FHIT: variants seen among roughly 807,000 people sequenced by gnomAD.
The protein encoded by FHIT is bis(5'-adenosyl)-triphosphatase.
A neutral mutation model predicts 17.9 loss-of-function variants in FHIT; 19 were observed. That is an observed-to-expected ratio of 1.06 (90% CI 0.74 to 1.56). FHIT has a LOEUF of 1.56. Ranked by LOEUF, FHIT falls within the 40% of genes most tolerant of loss-of-function variation. The pLI is 0.00. For missense variants in FHIT, 248 were observed against 189.2 expected (o/e 1.31, Z -1.82); for synonymous variants, 81 against 69.7 (o/e 1.16, Z -0.81).
chr3:60,237,005 C>G (rs1704832441), intron 5 of FHIT, among the ~76,000 whole-genome samples: 1 of 152,110 alleles, frequency 6.6e-6, no homozygotes, highest in East Asian at 1.9e-4. Flanking sequence ...CATACCTCAT[C>G]CACTTTAAGT....
chr3:61,225,090 A>G (rs2039935589), intron 1 of FHIT, among the ~76,000 whole-genome samples: 2 of 152,096 alleles, frequency 1.3e-5, no homozygotes, highest in Admixed American at 1.3e-4. Context: ...CTTCCTCCAG[A>G]GCCTGTGCTC....
chr3:59,834,424 G>C (rs1033811947), intron 8 of FHIT, among the ~76,000 whole-genome samples: 1 of 152,116 alleles, frequency 6.6e-6, no homozygotes, highest in Non-Finnish European at 1.5e-5. Context: ...TAGAGAGAGA[G>C]AGACAGAGAG....
At chr3:60,803,032 A>C (rs1322688846) in intron 4 of FHIT, among the ~76,000 whole-genome samples, 1 of 152,156 alleles carries the variant, frequency 6.6e-6, no homozygotes, top group African/African-American at 2.4e-5. Flanking sequence ...ATAAATAAAT[A>C]AATAGGAGAG....
At chr3:60,577,723 T>C (rs1346635583) in intron 4 of FHIT, among the ~76,000 whole-genome samples, 2 of 152,118 alleles carry the variant, frequency 1.3e-5, no homozygotes, top group African/African-American at 4.8e-5. Flanking sequence ...AATGAATATA[T>C]ACAACCGTTC....
chr3:60,396,276 C>G (rs1364169532), intron 5 of FHIT, among the ~76,000 whole-genome samples: 1 of 152,176 alleles, frequency 6.6e-6, no homozygotes, highest in Non-Finnish European at 1.5e-5. Flanking sequence ...GATGCACACT[C>G]TGTGTATGTT....
At chr3:59,872,955 T>C (rs1475115650) in intron 8 of FHIT, among the ~76,000 whole-genome samples, 1 of 152,204 alleles carries the variant, frequency 6.6e-6, no homozygotes, top group Non-Finnish European at 1.5e-5. Flanking sequence ...ACACTAGTCT[T>C]TCAGTTACCT....
At chr3:60,760,683 G>GA (rs1270189988) in intron 4 of FHIT, among the ~76,000 whole-genome samples, 1 of 152,182 alleles carries the variant, frequency 6.6e-6, no homozygotes, top group Admixed American at 6.5e-5. Context: ...AGCTAGAAAG[G>GA]AAAAAATAAG....
chr3:60,091,965 C>T (rs1264441002), intron 5 of FHIT, among the ~76,000 whole-genome samples: 1 of 152,172 alleles, frequency 6.6e-6, no homozygotes, highest in East Asian at 1.9e-4. Flanking sequence ...CAGACAAATA[C>T]ACCATAGTAC....
intron 1 of FHIT, among the ~76,000 whole-genome samples, chr3:61,234,661 T>TA (rs2040186751): frequency 6.6e-6 from 1 of 152,204 alleles, no homozygotes. Flanking sequence ...TATTTCTATA[T>TA]TTTTTTAAAT....
intron 2 of FHIT, among the ~76,000 whole-genome samples, chr3:61,083,085 T>C (rs2035192562): frequency 6.6e-6 from 1 of 152,240 alleles, no homozygotes. Flanking sequence ...CAGCTAGTGA[T>C]GTCTTTAGTT....
At chr3:60,874,186 G>A (rs528114121) in intron 3 of FHIT, among the ~76,000 whole-genome samples, 15 of 152,176 alleles carry the variant, frequency 9.9e-5, no homozygotes, top group African/African-American at 2.9e-4. Context: ...TAGGGCTGTC[G>A]TTAGAATTTT....
At chr3:60,234,275 T>G (rs1025822913) in intron 5 of FHIT, among the ~76,000 whole-genome samples, 1 of 152,236 alleles carries the variant, frequency 6.6e-6, no homozygotes, top group African/African-American at 2.4e-5. Flanking sequence ...TGTATATATC[T>G]GTAGTATTAA....
intron 2 of FHIT, among the ~76,000 whole-genome samples, chr3:61,074,515 C>T (rs780337203): frequency 2.6e-5 from 4 of 152,036 alleles, no homozygotes; most frequent in Non-Finnish European, 5.9e-5. Context: ...ATTTGTAAAT[C>T]GAGAGATTTC....
In FHIT at chr3:60,079,217, G is replaced by C. The variant is rs549647949; in HGVS notation, c.104-65065C>G. On this transcript the variant is annotated intron_variant, in intron 5 of 9. Coordinates refer to ENST00000492590, the MANE Select transcript of FHIT (RefSeq NM_002012.4). The stretch of plus-strand genomic sequence containing the variant: ...GGGCGTTACTGTCTGAAAGCAGTTT[G>C]GGGGCACCCGAGGTGATGTGCAGGC... 1.1e-3 allele frequency among the ~76,000 whole-genome samples: 170 copies of C among 152,250 alleles called. 1 individual carries two copies. The highest frequency in any genetic ancestry group is 7.7e-3 in the South Asian group (37 of 4,820).
chr3:60,736,933 A>G (rs1328403570), intron 4 of FHIT, among the ~76,000 whole-genome samples: 3 of 152,246 alleles, frequency 2.0e-5, no homozygotes, highest in Non-Finnish European at 4.4e-5. Context: ...AAAACAATCC[A>G]TACAAATGCA....
chr3:60,131,343 T>A (rs963900634), intron 5 of FHIT, among the ~76,000 whole-genome samples: 10 of 131,310 alleles, frequency 7.6e-5, no homozygotes, highest in Non-Finnish European at 1.8e-4. Flanking sequence ...TTTTTATGGT[T>A]TTTTTCCCAA....
intron 4 of FHIT, among the ~76,000 whole-genome samples, chr3:60,628,250 C>A (rs1398784723): frequency 2.0e-5 from 3 of 152,078 alleles, no homozygotes; most frequent in African/African-American, 7.2e-5. Context: ...TGTGTATTTG[C>A]AAGTTTCCAA....
chr3:59,912,817 G>A (rs1453459943), intron 8 of FHIT, among the ~76,000 whole-genome samples: 1 of 152,136 alleles, frequency 6.6e-6, no homozygotes, highest in African/African-American at 2.4e-5. Flanking sequence ...AGATATTTAT[G>A]GTCCATTAAG....
At chr3:60,897,604 T>TAC (rs1252069423) in intron 3 of FHIT, among the ~76,000 whole-genome samples, 2 of 152,190 alleles carry the variant, frequency 1.3e-5, no homozygotes, top group Non-Finnish European at 2.9e-5. Context: ...TATCCCTCAT[T>TAC]ACACTATACA....
Sources: gnomAD v4.1 joint callset for allele counts (sites outside exome capture counted in the v4.1 genomes callset) on GRCh38, gnomAD v4.1.1 for gene constraint, MANE v1.5 for transcripts, NCBI Gene and HGNC (gene_info 2026-07-23, HGNC 2026-07-21) for gene names.